The following RHBDF2 variants were observed in gnomAD, a reference collection of about 807,000 sequenced individuals.
RHBDF2 encodes the protein inactive rhomboid protein 2.
In RHBDF2, 38 loss-of-function variants were observed where a neutral mutation model predicts 95.2. The ratio of observed to expected loss-of-function variants is 0.40; its 90% confidence interval spans 0.31 to 0.52. The LOEUF (loss-of-function observed/expected upper bound fraction) is 0.52. Ranked by LOEUF, RHBDF2 falls within the 20% of genes least tolerant of loss-of-function variation. The pLI is 0.56. For missense variants in RHBDF2, 863 were observed against 1,137.7 expected (o/e 0.76, Z 3.47); for synonymous variants, 442 against 462.0 (o/e 0.96, Z 0.55).
In RHBDF2 at chr17:76,479,167, G is replaced by C; in HGVS notation, c.383C>G (p.Ser128Trp). 1 of 1,612,800 alleles carries C rather than the reference G, an allele frequency of 6.2e-7. No individual in the cohort carries two copies. Among genetic ancestry groups the C allele is most frequent in the Non-Finnish European group, 8.5e-7 (1 of 1,179,622 alleles). The change falls in exon 5 of 19, where the codon TCG becomes TGG. Residue 128 changes from serine to tryptophan, a missense_variant. Physicochemically the swap from Ser to Trp is radical, Grantham distance 177. Transcript: ENST00000675367. ...GGGGAGCTCCAGGTCACGCTGGCAC[G>C]AGGCCTTCAGGCGGCCGTAGCGCAT... ...CSMRYGRLKA[S>W]CQRDLELPSQ...
intron 11 of RHBDF2, 86 bp downstream of exon 11, chr17:76,474,644 T>C: frequency 1.9e-6 from 3 of 1,611,508 alleles, no homozygotes; most frequent in Non-Finnish European, 2.5e-6. Context: ...GGCCTGCGGG[T>C]GGGTGAGGAG....
At chr17:76,494,155 T>C (rs1465875657) in intron 1 of RHBDF2, among the ~76,000 whole-genome samples, 4 of 152,164 alleles carry the variant, frequency 2.6e-5, no homozygotes, top group Non-Finnish European at 5.9e-5. Context: ...GTCATGTTCT[T>C]AGGGTGGTGC....
At chr17:76,472,545 C>T (rs2073615291) in intron 18 of RHBDF2, 141 bp downstream of exon 18, 3 of 1,072,350 alleles carry the variant, frequency 2.8e-6, no homozygotes, top group East Asian at 5.0e-5. Flanking sequence ...GCCAGTAAGC[C>T]CCCAGATTAG....
At position 76,481,498 on chromosome 17, in the gene RHBDF2, C is replaced by T. The variant is rs2073963933; in HGVS notation, c.27G>A (p.Gly9=). 6.2e-7 allele frequency: 1 copy of T among 1,610,620 alleles called. No individual in the cohort carries two copies. Among genetic ancestry groups the T allele is most frequent in the South Asian group, 1.1e-5 (1 of 91,062 alleles). The change falls in exon 3 of 19, where the codon GGG becomes GGA. Residue 9 remains glycine, a synonymous_variant. Transcript: ENST00000675367. The part of the protein sequence containing the change: MASADKNG[G]SVSSVSSSRL... ...GGCTGCTGGACACAGAGGACACGCT[C>T]CCGCCATTCTTGTCAGCAGAGGCCA... is the stretch of plus-strand genomic sequence containing the variant.
At chr17:76,486,640 G>C (rs1488127087) in intron 2 of RHBDF2, among the ~76,000 whole-genome samples, 1 of 151,464 alleles carries the variant, frequency 6.6e-6, no homozygotes. Flanking sequence ...CTTGAGCTAG[G>C]AAGGTCGAGG....
intron 9 of RHBDF2, chr17:76,475,878 G>A (rs62085020): frequency 0.26 from 37,953 of 148,500 alleles, 5,524 homozygotes; most frequent in Middle Eastern, 0.37. Context: ...CACCGGGCCT[G>A]GCCATTGCTT....
intron 4 of RHBDF2, 59 bp downstream of exon 4, chr17:76,479,674 C>G: frequency 7.3e-7 from 1 of 1,362,574 alleles, no homozygotes; most frequent in South Asian, 1.2e-5. Flanking sequence ...ATGTCCAGGC[C>G]CCGAGAATCC....
At chr17:76,491,586 C>T (rs1041859840) in intron 1 of RHBDF2, among the ~76,000 whole-genome samples, 14 of 152,258 alleles carry the variant, frequency 9.2e-5, no homozygotes, top group Non-Finnish European at 1.3e-4. Context: ...AGAGCAGCTC[C>T]ACCCTCTGGC....
intron 1 of RHBDF2, chr17:76,500,958 G>A (rs2074563387): frequency 2.6e-5 from 4 of 152,532 alleles, no homozygotes; most frequent in East Asian, 1.9e-4. Flanking sequence ...GGAGGGGAGA[G>A]AAGGGTCTGA....
chr17:76,477,396 G>T, intron 7 of RHBDF2, 98 bp from the exon 8 acceptor site: 1 of 1,410,312 alleles, frequency 7.1e-7, no homozygotes, highest in Non-Finnish European at 9.6e-7. Context: ...GAACAGACGG[G>T]CTCTTCACAA....
In RHBDF2 at chr17:76,478,983, C is replaced by T. The variant is rs376748040; in HGVS notation, c.495G>A (p.Arg165=). 8.8e-6 allele frequency: 14 copies of T among 1,595,602 alleles called. No homozygotes were observed. In the African/African-American group the frequency reaches 1.3e-4, roughly 15 times the overall value. Reference sequence around the variant, plus strand: ...CCATCTCCTCCGGGTGGCGGAAGGCCCGGCCCCGGGCCAGCGGATCCACAA... The same window carrying T: ...CCATCTCCTCCGGGTGGCGGAAGGCTCGGCCCCGGGCCAGCGGATCCACAA... ...PKIVDPLARG[R]AFRHPEEMDR... Residue 165 remains arginine (R), a synonymous_variant, in exon 6 of 19, where the codon CGG becomes CGA. Transcript: ENST00000675367.
At chr17:76,493,867 T>C (rs2074371293) in intron 1 of RHBDF2, among the ~76,000 whole-genome samples, 1 of 152,194 alleles carries the variant, frequency 6.6e-6, no homozygotes, top group East Asian at 1.9e-4. Flanking sequence ...GCTGTTTCTT[T>C]CTCCTCCTCG....
At chr17:76,497,956 G>A (rs2074468976) in intron 1 of RHBDF2, among the ~76,000 whole-genome samples, 1 of 152,192 alleles carries the variant, frequency 6.6e-6, no homozygotes, top group Non-Finnish European at 1.5e-5. Context: ...TCCTGCAGGA[G>A]CCGGGCACTG....
At chr17:76,489,599 A>C (rs2074246126) in intron 1 of RHBDF2, among the ~76,000 whole-genome samples, 2 of 152,198 alleles carry the variant, frequency 1.3e-5, no homozygotes, top group Admixed American at 1.3e-4. Flanking sequence ...CTGGGATTAC[A>C]GGCGTGAGCC....
Position 76,471,788 on chromosome 17 carries a change from G to C in RHBDF2, c.2329C>G (p.Leu777Val), listed in dbSNP as rs552032358. ...SDKYRKRALI[L>V]VSLLAFAGLF... The stretch of plus-strand genomic sequence containing the variant: ...CCGGCAAAGGCCAGCAGTGACACCA[G>C]GATGAGTGCCCGCTTGCGGTACTTG... Residue 777 changes from leucine (L) to valine (V), a missense_variant, in exon 19 of 19, where the codon CTG becomes GTG. Leu to Val is a conservative substitution (Grantham distance 32). Coordinates refer to ENST00000675367, the MANE Select transcript of RHBDF2 (RefSeq NM_001005498.4). The C allele has an allele frequency of 6.4e-5, 103 of 1,607,728 alleles. No individual in the cohort carries two copies. The highest frequency in any genetic ancestry group is 8.4e-5 in the Non-Finnish European group (99 of 1,177,116).
intron 18 of RHBDF2, chr17:76,472,386 G>GA: frequency 6.8e-6 from 4 of 585,324 alleles, no homozygotes; most frequent in Admixed American, 2.9e-5. Flanking sequence ...GACTGCCGAC[G>GA]GCGCACGGAG....
chr17:76,473,776 T>C, intron 14 of RHBDF2, 34 bp from the exon 15 acceptor site: 1 of 1,611,612 alleles, frequency 6.2e-7, no homozygotes, highest in Non-Finnish European at 8.5e-7. Context: ...GGAAGTGGGC[T>C]GTGCAGCAGG....
chr17:76,496,164 G>A (rs77661017), intron 1 of RHBDF2, among the ~76,000 whole-genome samples: 4,779 of 152,308 alleles, frequency 0.031, 97 homozygotes, highest in African/African-American at 0.058. Context: ...GAGGGAGCCA[G>A]GGAAGATGAC....
chr17:76,473,193 C>T (rs2073645373), intron 16 of RHBDF2, 59 bp downstream of exon 16: 2 of 1,591,956 alleles, frequency 1.3e-6, no homozygotes. Flanking sequence ...GCCCCGGCCC[C>T]AGCAGGCTGC....
Sources: gnomAD v4.1 joint callset for allele counts (sites outside exome capture counted in the v4.1 genomes callset) on GRCh38, gnomAD v4.1.1 for gene constraint, MANE v1.5 for transcripts, NCBI Gene and HGNC (gene_info 2026-07-23, HGNC 2026-07-21) for gene names.